ATF7: variants seen among roughly 807,000 people sequenced by gnomAD.
ATF7 encodes the protein cyclic AMP-dependent transcription factor ATF-7.
ATF7 carries 10 observed loss-of-function variants against 50.4 expected under a neutral mutation model. The ratio of observed to expected loss-of-function variants is 0.20; its 90% CI spans 0.12 to 0.34. The LOEUF (loss-of-function observed/expected upper bound fraction) is 0.34, where lower values mean the gene tolerates loss of function less well. Ranked by LOEUF, ATF7 falls within the 10% of genes least tolerant of loss-of-function variation. The pLI is 1.00. For missense variants in ATF7, 465 were observed against 613.9 expected, an observed-to-expected ratio of 0.76 and a Z score of 2.56; for synonymous variants, 201 against 226.4, an observed-to-expected ratio of 0.89 and a Z score of 1.01.
At chr12:53,528,798 G>T (rs1257690484) in intron 9 of ATF7, among the ~76,000 whole-genome samples, 1 of 151,918 alleles carries the variant, frequency 6.6e-6, no homozygotes, top group East Asian at 1.9e-4. Flanking sequence ...CAAAAGAAAA[G>T]AAAAAATTAG....
chr12:53,573,143 T>G (rs1449734981), intron 2 of ATF7, among the ~76,000 whole-genome samples: 1 of 152,014 alleles, frequency 6.6e-6, no homozygotes, highest in Non-Finnish European at 1.5e-5. Flanking sequence ...AGAGAACACA[T>G]TTATATAACT....
chr12:53,555,305 A>C (rs1462280054), intron 2 of ATF7, among the ~76,000 whole-genome samples: 2 of 150,676 alleles, frequency 1.3e-5, no homozygotes, highest in Non-Finnish European at 3.0e-5. Flanking sequence ...AGCCTGGGCA[A>C]CAACAGTGAA....
At chr12:53,509,772 T>C (rs567097211), downstream of ATF7, among the ~76,000 whole-genome samples, 12 of 151,984 alleles carry the variant, frequency 7.9e-5, no homozygotes, top group Non-Finnish European at 1.5e-4. Flanking sequence ...TCCCAAAGTG[T>C]TGGGATTACA....
At chr12:53,536,205 T>C (rs1444204369) in intron 5 of ATF7, among the ~76,000 whole-genome samples, 2 of 152,170 alleles carry the variant, frequency 1.3e-5, no homozygotes, top group Non-Finnish European at 2.9e-5. Context: ...GTATGTACTT[T>C]TGTGTATGAC....
chr12:53,550,367 T>TAATA (rs1555218981), intron 3 of ATF7, among the ~76,000 whole-genome samples: 2 of 141,064 alleles, frequency 1.4e-5, no homozygotes, highest in African/African-American at 2.5e-5. Context: ...AATAAATAAA[T>TAATA]AATAAATATA....
chr12:53,516,613 G>A lies in ATF7; in HGVS notation c.*524C>T, dbSNP rs186345345. Reference sequence around the variant, plus strand: ...AATTAAGGAAGAGGAAAAAGGAAACGGGTAAATAAGCAGCTATGGGAGACC... The same window carrying A: ...AATTAAGGAAGAGGAAAAAGGAAACAGGTAAATAAGCAGCTATGGGAGACC... On this transcript the variant is annotated 3_prime_UTR_variant, in exon 12 of 12. Transcript: ENST00000420353. The A allele has an allele frequency of 1.9e-5, 3 of 156,876 alleles. No homozygotes were observed. The highest frequency in any genetic ancestry group is 3.8e-4 in the East Asian group (2 of 5,324). The allele number at this position is 156,876 out of a possible 1,614,324, so 9.7% of individuals were successfully genotyped here.
chr12:53,576,936 G>A (rs1942104209), intron 2 of ATF7, among the ~76,000 whole-genome samples: 2 of 152,090 alleles, frequency 1.3e-5, no homozygotes, highest in South Asian at 4.1e-4. Flanking sequence ...CAAGACTGTA[G>A]TCCCAACTAC....
At chr12:53,585,374 T>C (rs191247753) in intron 2 of ATF7, among the ~76,000 whole-genome samples, 9 of 152,286 alleles carry the variant, frequency 5.9e-5, no homozygotes, top group South Asian at 2.1e-4. Flanking sequence ...TGCAGGTTCA[T>C]TGAATGTAAC....
At position 53,552,616 on chromosome 12, in the gene ATF7, G is replaced by A. The variant is rs1479947539; in HGVS notation, c.70C>T (p.Leu24=). Residue 24 remains leucine, a synonymous_variant, in exon 3 of 12, where the codon CTG becomes TTG. Coordinates refer to ENST00000420353, the MANE Select transcript of ATF7 (RefSeq NM_006856.3). ...TCATGCTTGTGTTTATGAACTGCCA[G>A]GTGGTCCTCGTTTGTAAATCTCTGA... ...CGQRFTNEDH[L]AVHKHKHEMT... The A allele has an allele frequency of 6.2e-7, 1 of 1,613,848 alleles. No individual in the cohort carries two copies. Among genetic ancestry groups the A allele is most frequent in the South Asian group, 1.1e-5 (1 of 91,084 alleles).
intron 4 of ATF7, among the ~76,000 whole-genome samples, chr12:53,539,130 C>A (rs369282611): frequency 6.6e-6 from 1 of 152,190 alleles, no homozygotes; most frequent in Non-Finnish European, 1.5e-5. Flanking sequence ...CCTGTACAGG[C>A]AGGAGGATAC....
chr12:53,573,072 A>C (rs1024551937), intron 2 of ATF7, among the ~76,000 whole-genome samples: 2 of 149,132 alleles, frequency 1.3e-5, no homozygotes, highest in Non-Finnish European at 3.0e-5. Context: ...GGCGTGAGCC[A>C]CTGTACCCGG....
In ATF7 at chr12:53,524,733, G is replaced by T. The variant is rs754161452; in HGVS notation, c.956C>A (p.Thr319Asn). Residue 319 changes from threonine to asparagine, a missense_variant, in exon 10 of 12, where the codon ACT becomes AAT. By Grantham distance (65) the Thr-to-Asn change is moderately conservative (BLOSUM62 0). Transcript: ENST00000420353. This position sits in a 1 kb window ranked among gnomAD's most constrained non-coding sequence, Gnocchi z 4.6. ...TACTGTGCGCCGCCGTCGCCCCCCA[G>T]TACTAGGGGTGGGCTGAGCTGGTGA... ...QVSPAQPTPS[T>N]GGRRRRTVDE... 3 of 1,610,770 alleles carry T rather than the reference G, an allele frequency of 1.9e-6. No homozygotes were observed. Among genetic ancestry groups the T allele is most frequent in the Non-Finnish European group, 2.5e-6 (3 of 1,178,690 alleles).
chr12:53,519,658 T>A (rs558920961), intron 11 of ATF7, among the ~76,000 whole-genome samples: 1 of 152,274 alleles, frequency 6.6e-6, no homozygotes, highest in African/African-American at 2.4e-5. Flanking sequence ...TGTATCAGAG[T>A]TCTTGCAGGG....
chr12:53,609,920 G>T (rs1236256929), intron 1 of ATF7, among the ~76,000 whole-genome samples: 1 of 148,410 alleles, frequency 6.7e-6, no homozygotes, highest in Non-Finnish European at 1.5e-5. Context: ...GGGTTCAACA[G>T]ATTCTCATGC....
intron 4 of ATF7, among the ~76,000 whole-genome samples, chr12:53,539,690 GAATGAATGAATGAA>G: frequency 3.2e-5 from 1 of 31,636 alleles, no homozygotes; most frequent in African/African-American, 1.4e-4. Flanking sequence ...TCCTGTCAAT[GAATGAATGAATGAA>G]TGAATGAATG....
At chr12:53,600,574 T>C (rs1394731319) in intron 2 of ATF7, among the ~76,000 whole-genome samples, 1 of 152,192 alleles carries the variant, frequency 6.6e-6, no homozygotes, top group Non-Finnish European at 1.5e-5. Flanking sequence ...TCAGGTGATC[T>C]GCCCATCTCG....
At chr12:53,603,538 A>C (rs1419429459) in intron 1 of ATF7, among the ~76,000 whole-genome samples, 2 of 152,088 alleles carry the variant, frequency 1.3e-5, no homozygotes, top group Non-Finnish European at 2.9e-5. Context: ...TACCATTTTC[A>C]CCAAAGGGAG....
chr12:53,558,116 C>T (rs1189141498), intron 2 of ATF7, among the ~76,000 whole-genome samples: 2 of 152,220 alleles, frequency 1.3e-5, no homozygotes, highest in African/African-American at 4.8e-5. Context: ...CTTAAATCTT[C>T]CTCCCTAAAT....
At chr12:53,610,883 A>G (rs543309186) in intron 1 of ATF7, among the ~76,000 whole-genome samples, 1 of 152,266 alleles carries the variant, frequency 6.6e-6, no homozygotes, top group East Asian at 1.9e-4. Context: ...GCTGGAGTAC[A>G]GTGGCATGAT....
Sources: gnomAD v4.1 joint callset for allele counts (sites outside exome capture counted in the v4.1 genomes callset) on GRCh38, gnomAD v4.1.1 for gene constraint, Gnocchi (gnomAD v3.1) non-coding constraint, MANE v1.5 for transcripts, NCBI Gene and HGNC (gene_info 2026-07-23, HGNC 2026-07-21) for gene names.